The following MME variants were observed in gnomAD, a reference collection of about 807,000 sequenced individuals.
MME encodes membrane metalloendopeptidase, also known as neprilysin.
In MME, 98 loss-of-function variants were observed where a neutral mutation model predicts 113.2. The ratio of observed to expected loss-of-function variants is 0.87; its 90% CI spans 0.74 to 1.02. MME has a LOEUF of 1.02. Ranked by LOEUF, MME falls within the 50% of genes least tolerant of loss-of-function variation. MME has a pLI of 0.00. For synonymous variants in MME, 292 were observed against 300.6 expected (o/e 0.97, Z 0.30); for missense variants, 836 against 896.0 (o/e 0.93, Z 0.86).
chr3:155,079,379 G>A (rs1435863395), upstream of MME, among the ~76,000 whole-genome samples: 1 of 152,028 alleles, frequency 6.6e-6, no homozygotes, highest in South Asian at 2.1e-4. Context: ...AGAGAATCCC[G>A]AAGAGCCCGT....
Position 155,117,097 on chromosome 3 carries a change from A to G in MME, c.654+111A>G, listed in dbSNP as rs1718688096. On this transcript the variant is annotated intron_variant, in intron 7 of 22. Coordinates refer to ENST00000360490, the MANE Select transcript of MME (RefSeq NM_007289.4). ...AATGCTATTTTCAATTGAATTGAATAAGCAAGGAGGTAGTATATCCATGCT... is the reference window on the plus strand; with the variant it reads ...AATGCTATTTTCAATTGAATTGAATGAGCAAGGAGGTAGTATATCCATGCT... The G allele has an allele frequency of 5.4e-6, 4 of 743,632 alleles. No individual in the cohort carries two copies. In the East Asian group the frequency reaches 1.1e-4, roughly 20 times the overall value. 46.1% of individuals were successfully genotyped at this position (743,632 alleles called of 1,614,324 possible). A position where few individuals can be genotyped will look rare whatever the true frequency, so the allele number is the denominator to read the frequency against.
At chr3:155,170,191 T>C (rs903099400) in intron 20 of MME, among the ~76,000 whole-genome samples, 14 of 152,094 alleles carry the variant, frequency 9.2e-5, no homozygotes, top group African/African-American at 3.1e-4. Flanking sequence ...ATTACAGGCA[T>C]GTGCCACCAC....
chr3:155,130,874 G>C (rs1429757110), intron 8 of MME, among the ~76,000 whole-genome samples: 3 of 152,056 alleles, frequency 2.0e-5, no homozygotes, highest in African/African-American at 7.2e-5. Context: ...TAATTCAACA[G>C]ATCTTCATTG....
chr3:155,073,770 A>G, intron 1 of MME, among the ~76,000 whole-genome samples: 1 of 151,948 alleles, frequency 6.6e-6, no homozygotes, highest in East Asian at 1.9e-4. Flanking sequence ...ATATATCTAT[A>G]TATTTATACC....
chr3:155,035,947 A>T (rs1008389363), intron 1 of MME, among the ~76,000 whole-genome samples: 1 of 152,172 alleles, frequency 6.6e-6, no homozygotes, highest in Non-Finnish European at 1.5e-5. Context: ...AAAAGAAAAT[A>T]CACCACTCAG....
chr3:155,049,627 ATATCTATCTATC>A (rs56832533), intron 1 of MME, among the ~76,000 whole-genome samples: 11,450 of 147,154 alleles, frequency 0.078, 518 homozygotes, highest in Non-Finnish European at 0.1. Context: ...TCATCTTAGT[ATATCTATCTATC>A]TATCTATCTA....
chr3:155,087,542 T>C (rs1715871259), intron 3 of MME, among the ~76,000 whole-genome samples: 1 of 152,152 alleles, frequency 6.6e-6, no homozygotes, highest in African/African-American at 2.4e-5. Context: ...CCTCCTATGC[T>C]TCCTCTCTCT....
At chr3:155,047,551 A>G (rs771132222) in intron 1 of MME, among the ~76,000 whole-genome samples, 1 of 152,172 alleles carries the variant, frequency 6.6e-6, no homozygotes, top group Non-Finnish European at 1.5e-5. Flanking sequence ...AAGTCTCTAC[A>G]TGTCTCATGA....
Position 155,048,744 on chromosome 3 carries a change from G to A in MME, c.-11+24420G>A, listed in dbSNP as rs370956501. Reference sequence around the variant, plus strand: ...GTAGGCCTCTTGATCTGTGGTTTCAGTTCTTCCTTTTCATGTAAAAATACT... The same window carrying A: ...GTAGGCCTCTTGATCTGTGGTTTCAATTCTTCCTTTTCATGTAAAAATACT... On this transcript the variant is annotated intron_variant, in intron 1 of 22. Transcript: ENST00000492661. Among the ~76,000 whole-genome samples, 9 of 152,098 alleles carry A rather than the reference G, an allele frequency of 5.9e-5. No individual in the cohort carries two copies. In the East Asian group the frequency reaches 1.5e-3, roughly 26 times the overall value.
rs769409181 is a variant in MME at position 155,180,401 on chromosome 3, C to A, written c.2195C>A (p.Ala732Asp). 14 of 1,613,534 alleles carry A rather than the reference C, an allele frequency of 8.7e-6. No individual in the cohort carries two copies. The highest frequency in any genetic ancestry group is 1.2e-5 in the Non-Finnish European group (14 of 1,179,660). The part of the protein sequence containing the change: ...TLQNSAEFSE[A>D]FHCRKNSYMN... ...CAGAACTCTGCAGAGTTTTCAGAAGCCTTTCACTGCCGCAAGAATTCATAC... is the reference window on the plus strand; with the variant it reads ...CAGAACTCTGCAGAGTTTTCAGAAGACTTTCACTGCCGCAAGAATTCATAC... The change falls in exon 23 of 23, where the codon GCC becomes GAC. Residue 732 changes from alanine (A) to aspartate (D), a missense_variant. Coordinates refer to ENST00000360490, the MANE Select transcript of MME (RefSeq NM_007289.4).
chr3:155,092,960 T>G (rs1245656076), intron 3 of MME, among the ~76,000 whole-genome samples: 1 of 152,064 alleles, frequency 6.6e-6, no homozygotes, highest in Admixed American at 6.6e-5. Context: ...CAAGTGTAAA[T>G]TGGATTGTGG....
intron 3 of MME, among the ~76,000 whole-genome samples, chr3:155,106,923 A>G (rs1717736186): frequency 6.6e-6 from 1 of 152,224 alleles, no homozygotes; most frequent in African/African-American, 2.4e-5. Flanking sequence ...AATCAGGCTA[A>G]TTATAATGAT....
At chr3:155,042,869 G>A (rs1251675061) in intron 1 of MME, among the ~76,000 whole-genome samples, 1 of 117,880 alleles carries the variant, frequency 8.5e-6, no homozygotes, top group Admixed American at 1.1e-4. Flanking sequence ...TAAACCCCAT[G>A]TAAATTTAGA....
At chr3:155,063,471 AT>A (rs1343227249) in intron 1 of MME, among the ~76,000 whole-genome samples, 1 of 69,990 alleles carries the variant, frequency 1.4e-5, no homozygotes, top group Non-Finnish European at 2.9e-5. Flanking sequence ...TAATAAATAT[AT>A]TTTTATTATT....
intron 17 of MME, among the ~76,000 whole-genome samples, chr3:155,165,999 A>G (rs1370793703): frequency 1.3e-5 from 2 of 152,190 alleles, no homozygotes; most frequent in Admixed American, 1.3e-4. Flanking sequence ...CAGAGTAGAC[A>G]TACTGAAAAC....
chr3:155,107,352 CAAAAAAAAA>C (rs199544238), intron 3 of MME, among the ~76,000 whole-genome samples: 1 of 70,498 alleles, frequency 1.4e-5, no homozygotes, highest in African/African-American at 6.1e-5. Context: ...GACTCTGTCT[CAAAAAAAAA>C]AAAAAAAAAG....
chr3:155,098,073 A>G (rs1716886620), intron 3 of MME, among the ~76,000 whole-genome samples: 1 of 152,150 alleles, frequency 6.6e-6, no homozygotes, highest in South Asian at 2.1e-4. Flanking sequence ...AAATAAACAC[A>G]CACACATATA....
At chr3:155,178,491 T>G (rs1420098355) in intron 22 of MME, among the ~76,000 whole-genome samples, 1 of 152,148 alleles carries the variant, frequency 6.6e-6, no homozygotes, top group African/African-American at 2.4e-5. Context: ...CCTAATACCC[T>G]ATTGCTTCTC....
intron 3 of MME, among the ~76,000 whole-genome samples, chr3:155,097,725 TG>T (rs1308415601): frequency 2.0e-5 from 3 of 152,168 alleles, no homozygotes; most frequent in Admixed American, 1.3e-4. Flanking sequence ...GGAAGTTGAA[TG>T]GGTCATCATC....
Sources: gnomAD v4.1 joint callset for allele counts (sites outside exome capture counted in the v4.1 genomes callset) on GRCh38, gnomAD v4.1.1 for gene constraint, MANE v1.5 for transcripts, NCBI Gene and HGNC (gene_info 2026-07-23, HGNC 2026-07-21) for gene names.